Variants in BIRC6 observed in about 807,000 individuals in gnomAD.
BIRC6 encodes dual E2 ubiquitin-conjugating enzyme/E3 ubiquitin-protein ligase BIRC6.
Under a neutral mutation model 503.3 loss-of-function variants are expected in BIRC6, and 98 were observed. The observed-to-expected ratio is 0.19, with a 90% CI of 0.17 to 0.23. BIRC6 has a LOEUF of 0.23. Ranked by LOEUF, BIRC6 falls within the 10% of genes least tolerant of loss-of-function variation. The pLI is 1.00. For missense variants in BIRC6, 5,360 were observed against 5,806.0 expected, an observed-to-expected ratio of 0.92 and a Z score of 2.50; for synonymous variants, 2,240 against 2,078.7, an observed-to-expected ratio of 1.08 and a Z score of -2.11.
intron 60 of BIRC6, among the ~76,000 whole-genome samples, chr2:32,530,551 T>A (rs1275433112): frequency 1.3e-5 from 2 of 152,186 alleles, no homozygotes; most frequent in African/African-American, 4.8e-5. Context: ...ATTTTTGAAT[T>A]GGCTATTTTT....
intron 57 of BIRC6, chr2:32,519,190 A>G: frequency 2.7e-6 from 1 of 370,966 alleles, no homozygotes; most frequent in South Asian, 3.6e-5. Context: ...CTAGAAATAC[A>G]GACAAATAAT....
At chr2:32,404,935 T>G (rs2041033531) in intron 8 of BIRC6, among the ~76,000 whole-genome samples, 2 of 152,206 alleles carry the variant, frequency 1.3e-5, no homozygotes, top group Non-Finnish European at 2.9e-5. Flanking sequence ...GTGCTGGGAT[T>G]ACAGGTGTGA....
rs1196660320 is a variant in BIRC6, at chr2:32,377,583, A to G, written c.326-5A>G. 1 of 1,592,156 alleles carries G rather than the reference A, an allele frequency of 6.3e-7. No individual in the cohort carries two copies. The highest frequency in any genetic ancestry group is 1.8e-5 in the Admixed American group (1 of 54,716). On this transcript the variant is annotated splice_polypyrimidine_tract_variant and splice_region_variant and intron_variant, in intron 1 of 73. Transcript: ENST00000421745. ...TTAAGTGTTGAATTTTTGTTCTTTTAACAGCTAAACCAGGTGGACAGGTGA... is the reference window on the plus strand; with the variant it reads ...TTAAGTGTTGAATTTTTGTTCTTTTGACAGCTAAACCAGGTGGACAGGTGA...
At chr2:32,450,094 C>T (rs2046516079) in intron 22 of BIRC6, among the ~76,000 whole-genome samples, 3 of 152,198 alleles carry the variant, frequency 2.0e-5, no homozygotes, top group Middle Eastern at 3.4e-3. Flanking sequence ...AGGGTGAAAG[C>T]GTAAGGGAAG....
intron 66 of BIRC6, among the ~76,000 whole-genome samples, chr2:32,591,787 C>A (rs1349250816): frequency 3.3e-5 from 5 of 152,094 alleles, no homozygotes; most frequent in Non-Finnish European, 5.9e-5. Context: ...TATTCAGTGG[C>A]CCTGTTACTT....
chr2:32,423,868 C>T lies in BIRC6; in HGVS notation c.2873-5278C>T, dbSNP rs541314888. Among the ~76,000 whole-genome samples, 17 of 152,324 alleles carry T rather than the reference C, an allele frequency of 1.1e-4. 1 individual carries two copies. In the South Asian group the frequency reaches 2.9e-3, roughly 26 times the overall value. On this transcript the variant is annotated intron_variant, in intron 10 of 73. Transcript: ENST00000421745. ...CATCATTTTGTCCAGCATCTCCATG[C>T]TGTATACACTACCTGTCTGTTAGTC...
intron 9 of BIRC6, among the ~76,000 whole-genome samples, chr2:32,411,330 C>T (rs530944284): frequency 2.4e-4 from 36 of 151,954 alleles, no homozygotes; most frequent in African/African-American, 6.0e-4. Context: ...TGAGCCTCCA[C>T]GCCCAGCCTT....
intron 52 of BIRC6, among the ~76,000 whole-genome samples, chr2:32,510,203 C>T (rs2054259608): frequency 6.6e-6 from 1 of 152,098 alleles, no homozygotes; most frequent in African/African-American, 2.4e-5. Context: ...CTCCACCTCC[C>T]TAGTAGCTGG....
chr2:32,469,982 G>GA (rs1366676629), intron 30 of BIRC6, among the ~76,000 whole-genome samples, 186 bp from the exon 31 acceptor site: 1 of 151,762 alleles, frequency 6.6e-6, no homozygotes, highest in Non-Finnish European at 1.5e-5. Context: ...CCAGTAGTTA[G>GA]AAAAAAAACT....
intron 45 of BIRC6, among the ~76,000 whole-genome samples, chr2:32,494,295 T>C (rs899237188): frequency 2.0e-5 from 3 of 151,980 alleles, no homozygotes; most frequent in African/African-American, 7.2e-5. Context: ...TGGTGCAGTC[T>C]TGGCTCACTG....
intron 15 of BIRC6, among the ~76,000 whole-genome samples, chr2:32,438,601 C>G (rs575028412): frequency 1.7e-3 from 255 of 148,816 alleles, no homozygotes; most frequent in African/African-American, 4.8e-3. Flanking sequence ...GCTCTGTCGC[C>G]CAGGCTGGAG....
In BIRC6 at chr2:32,464,770, C is replaced by G. The variant is rs34906338; in HGVS notation, c.5203C>G (p.Pro1735Ala). The G allele has an allele frequency of 1.8e-3, 2,894 of 1,613,838 alleles. 78 individuals carry two copies. The Admixed American group carries it at 0.045, about 25-fold the overall frequency. ...AQLFPGSVIDPPAVNLAAHNK... is the reference protein window; with the variant it reads ...AQLFPGSVIDAPAVNLAAHNK... ...GCTTTTCCCAGGCTCAGTCATTGAT[C>G]CCCCAGCAGTCAATCTTGCTGCACA... The change falls in exon 25 of 74, where the codon CCC becomes GCC. Residue 1735 changes from proline (P) to alanine (A), a missense_variant. Physicochemically the swap from Pro to Ala is conservative, Grantham distance 27. This residue lies in a region of BIRC6 where 2,299 missense variants were observed against 2,267.2 expected (regional missense o/e 1.01). Coordinates refer to ENST00000421745, the MANE Select transcript of BIRC6 (RefSeq NM_016252.4).
chr2:32,371,862 A>G (rs947607296), intron 1 of BIRC6, among the ~76,000 whole-genome samples: 2 of 151,646 alleles, frequency 1.3e-5, no homozygotes, highest in African/African-American at 2.4e-5. Flanking sequence ...CTAGAGTGCA[A>G]TGGCGCGATC....
Position 32,431,026 on chromosome 2 carries a change from T to C in BIRC6, c.3184T>C (p.Leu1062=), listed in dbSNP as rs772906442. The change falls in exon 12 of 74, where the codon TTG becomes CTG. Residue 1062 remains leucine, a synonymous_variant. Transcript: ENST00000421745. ...GCAGCAAAGGAGGCATCCTCAACAT[T>C]TGCATCAGCAACACCATGGTGATGC... ...EQQQRRHPQH[L]HQQHHGDAAQ... The C allele has an allele frequency of 6.2e-7, 1 of 1,613,372 alleles. No individual in the cohort carries two copies. Among genetic ancestry groups the C allele is most frequent in the Admixed American group, 1.7e-5 (1 of 59,960 alleles).
chr2:32,363,560 A>T (rs1279175796), intron 1 of BIRC6, among the ~76,000 whole-genome samples: 1 of 152,116 alleles, frequency 6.6e-6, no homozygotes, highest in African/African-American at 2.4e-5. Context: ...TACTTCCTGA[A>T]ATAATGCCCC....
chr2:32,493,657 T>G lies in BIRC6; in HGVS notation c.8458T>G (p.Ser2820Ala). The G allele has an allele frequency of 3.1e-6, 5 of 1,600,192 alleles. No individual in the cohort carries two copies. The highest frequency in any genetic ancestry group is 4.3e-6 in the Non-Finnish European group (5 of 1,170,948). The change falls in exon 45 of 74, where the codon TCA becomes GCA. Residue 2820 changes from serine (S) to alanine (A), a missense_variant. Coordinates refer to ENST00000421745, the MANE Select transcript of BIRC6 (RefSeq NM_016252.4). ...TTTGCTCAAGCTAATTCATATACTT[T>G]CAACTGAAAGGTAAATTTTTGTGTA... ...EFLLKLIHIL[S>A]TERGAFQTGQ...
chr2:32,522,110 T>A (rs1424568145), intron 57 of BIRC6: 1 of 152,024 alleles, frequency 6.6e-6, no homozygotes, highest in Admixed American at 6.6e-5. Context: ...AAATTTTGGA[T>A]AATTTCCTGT....
In BIRC6 at chr2:32,514,826, CTA is replaced by C. The variant is rs150268324; in HGVS notation, c.10569-150_10569-149del. On this transcript the variant is annotated intron_variant, in intron 54 of 73. Transcript: ENST00000421745. Reference sequence around the variant, plus strand: ...CAATTTTAAATATATATATGTGTGTCTATATATATATATATGCAGTCTTAAAT... The same window carrying C: ...CAATTTTAAATATATATATGTGTGTCTATATATATATATGCAGTCTTAAAT... Among the ~76,000 whole-genome samples, 1,350 of 148,602 alleles carry C rather than the reference CTA, an allele frequency of 9.1e-3. 11 individuals are homozygous for C. The highest frequency in any genetic ancestry group is 0.021 in the Middle Eastern group (6 of 286).
intron 66 of BIRC6, among the ~76,000 whole-genome samples, chr2:32,580,687 A>G (rs2060613128): frequency 6.6e-6 from 1 of 152,198 alleles, no homozygotes. Flanking sequence ...GGAAGTTGGA[A>G]CAAGACCAAA....
Sources: gnomAD v4.1 joint callset for allele counts (sites outside exome capture counted in the v4.1 genomes callset) on GRCh38, gnomAD v4.1.1 for gene constraint, gnomAD v4.1.1 regional missense constraint, MANE v1.5 for transcripts, NCBI Gene and HGNC (gene_info 2026-07-23, HGNC 2026-07-21) for gene names.